Variants in KIAA1217 observed in about 807,000 individuals in gnomAD.
KIAA1217 encodes the protein KIAA1217.
KIAA1217 carries 88 observed loss-of-function variants against 163.9 expected under a neutral mutation model. That is an observed-to-expected ratio of 0.54 (90% CI 0.45 to 0.64). KIAA1217 has a LOEUF of 0.64. KIAA1217 is among the 30% of genes least tolerant of loss of function. The pLI is 0.00. For missense variants in KIAA1217, 2,372 were observed against 2,475.0 expected (o/e 0.96, Z 0.88); for synonymous variants, 903 against 923.1 (o/e 0.98, Z 0.39).
At chr10:23,865,717 T>C (rs1360730380) in intron 1 of KIAA1217, among the ~76,000 whole-genome samples, 1 of 152,206 alleles carries the variant, frequency 6.6e-6, no homozygotes, top group Admixed American at 6.6e-5. Context: ...GTATTCTATA[T>C]AGGATGAAGT....
intron 1 of KIAA1217, among the ~76,000 whole-genome samples, chr10:23,940,683 T>C (rs1843731140): frequency 6.6e-6 from 1 of 152,190 alleles, no homozygotes; most frequent in Admixed American, 6.5e-5. Context: ...ATAGGTCATA[T>C]TTTGGACAAG....
intron 2 of KIAA1217, among the ~76,000 whole-genome samples, chr10:24,243,028 G>T (rs972452747): frequency 6.6e-6 from 1 of 152,106 alleles, no homozygotes; most frequent in Non-Finnish European, 1.5e-5. Flanking sequence ...CATTCTGTAG[G>T]TTGTTTGCTC....
At chr10:24,361,317 A>G (rs1591310786) in intron 2 of KIAA1217, among the ~76,000 whole-genome samples, 1 of 152,196 alleles carries the variant, frequency 6.6e-6, no homozygotes, top group East Asian at 1.9e-4. Context: ...CCTCCCAAGT[A>G]GTTGGTACTG....
intron 1 of KIAA1217, among the ~76,000 whole-genome samples, chr10:23,981,894 C>G (rs1845781198): frequency 6.6e-6 from 1 of 152,018 alleles, no homozygotes; most frequent in African/African-American, 2.4e-5. Context: ...CAGCTGAGTT[C>G]ACCAGGGCCT....
At chr10:24,232,528 T>C (rs2071559214) in intron 2 of KIAA1217, among the ~76,000 whole-genome samples, 1 of 152,114 alleles carries the variant, frequency 6.6e-6, no homozygotes, top group African/African-American at 2.4e-5. Flanking sequence ...AACCGAAGTC[T>C]AGCTAGGCAG....
At chr10:23,961,801 G>A (rs1274886995) in intron 1 of KIAA1217, among the ~76,000 whole-genome samples, 2 of 152,118 alleles carry the variant, frequency 1.3e-5, no homozygotes, top group African/African-American at 2.4e-5. Flanking sequence ...TGTGGGTTGG[G>A]CTGAATCCTT....
At chr10:23,851,143 C>A (rs1839293379) in intron 1 of KIAA1217, among the ~76,000 whole-genome samples, 1 of 152,052 alleles carries the variant, frequency 6.6e-6, no homozygotes, top group Admixed American at 6.6e-5. Context: ...AGGTATATCT[C>A]CTAATGCTAT....
chr10:23,952,562 T>C (rs1844387941), intron 1 of KIAA1217, among the ~76,000 whole-genome samples: 2 of 152,218 alleles, frequency 1.3e-5, no homozygotes, highest in Non-Finnish European at 2.9e-5. Flanking sequence ...CCTTCAGTAC[T>C]CTTCCTGGCC....
intron 1 of KIAA1217, among the ~76,000 whole-genome samples, chr10:23,889,831 G>T (rs570890533): frequency 2.4e-4 from 36 of 151,616 alleles, no homozygotes; most frequent in Non-Finnish European, 4.4e-4. Flanking sequence ...TGATTTTTTT[G>T]CATTATTCAA....
intron 2 of KIAA1217, among the ~76,000 whole-genome samples, chr10:24,357,047 G>A (rs928687665): frequency 1.3e-5 from 2 of 152,326 alleles, no homozygotes; most frequent in African/African-American, 4.8e-5. Flanking sequence ...CAGACTCTCA[G>A]CCCAGTGCTC....
intron 1 of KIAA1217, among the ~76,000 whole-genome samples, chr10:24,214,558 A>G (rs1041722794): frequency 6.6e-6 from 1 of 152,346 alleles, no homozygotes; most frequent in Middle Eastern, 3.4e-3. Flanking sequence ...TGGAATTAGT[A>G]CAAGGACCCA....
intron 2 of KIAA1217, among the ~76,000 whole-genome samples, chr10:24,357,053 T>C (rs2049203369): frequency 6.6e-6 from 1 of 152,096 alleles, no homozygotes; most frequent in African/African-American, 2.4e-5. Context: ...CTCAGCCCAG[T>C]GCTCTCCAGA....
At chr10:23,964,185 A>C (rs1844950998) in intron 1 of KIAA1217, among the ~76,000 whole-genome samples, 1 of 151,838 alleles carries the variant, frequency 6.6e-6, no homozygotes, top group Non-Finnish European at 1.5e-5. Context: ...TACAGGCATG[A>C]GCCACTGTGC....
At chr10:24,127,619 T>G (rs2063512773) in intron 2 of KIAA1217, among the ~76,000 whole-genome samples, 1 of 152,194 alleles carries the variant, frequency 6.6e-6, no homozygotes, top group South Asian at 2.1e-4. Context: ...TTTTTCTTTC[T>G]GCTACTCACC....
At chr10:24,288,823 A>C (rs1440987328) in intron 2 of KIAA1217, among the ~76,000 whole-genome samples, 1 of 152,186 alleles carries the variant, frequency 6.6e-6, no homozygotes, top group Non-Finnish European at 1.5e-5. Context: ...TCAATGAAGT[A>C]CCTGGTTAAG....
intron 2 of KIAA1217, among the ~76,000 whole-genome samples, chr10:24,106,986 T>A (rs1484866912): frequency 2.0e-5 from 3 of 152,164 alleles, no homozygotes; most frequent in Non-Finnish European, 4.4e-5. Context: ...GTCATCCAGG[T>A]AATGACCATA....
chr10:24,179,508 C>T (rs1265418726), intron 2 of KIAA1217, among the ~76,000 whole-genome samples: 9 of 152,298 alleles, frequency 5.9e-5, no homozygotes, highest in Non-Finnish European at 7.4e-5. Context: ...CCCAGCCATG[C>T]TTCCTGTATA....
intron 1 of KIAA1217, among the ~76,000 whole-genome samples, chr10:24,214,276 C>G (rs1429788396): frequency 1.3e-5 from 2 of 152,230 alleles, no homozygotes; most frequent in African/African-American, 4.8e-5. Flanking sequence ...TAACCACCCT[C>G]TAATCTTGGT....
intron 2 of KIAA1217, among the ~76,000 whole-genome samples, chr10:24,188,794 T>A (rs1400612534): frequency 6.6e-6 from 1 of 152,138 alleles, no homozygotes; most frequent in African/African-American, 2.4e-5. Flanking sequence ...ATGGGCTTGA[T>A]GATTGATGAG....
Sources: allele counts gnomAD v4.1 joint callset (sites outside exome capture counted in the v4.1 genomes callset), GRCh38; gene constraint gnomAD v4.1.1; transcripts MANE v1.5; gene names NCBI Gene and HGNC (gene_info 2026-07-23, HGNC 2026-07-21).